FAM120B: variants seen among roughly 807,000 people sequenced by gnomAD.
The protein encoded by FAM120B is family with sequence similarity 120 member B.
In FAM120B, 83 loss-of-function variants were observed where a neutral mutation model predicts 96.3. That is an observed-to-expected ratio of 0.86 (90% confidence interval 0.72 to 1.03). The LOEUF (loss-of-function observed/expected upper bound fraction) is 1.03. Ranked by LOEUF, FAM120B falls within the 50% of genes least tolerant of loss-of-function variation. FAM120B has a pLI of 0.00. For missense variants in FAM120B, 1,027 were observed against 1,121.2 expected, an observed-to-expected ratio of 0.92 and a Z score of 1.20; for synonymous variants, 407 against 402.7, an observed-to-expected ratio of 1.01 and a Z score of -0.13.
intron 1 of FAM120B, among the ~76,000 whole-genome samples, chr6:170,313,049 A>G (rs1784685377): frequency 6.6e-6 from 1 of 152,208 alleles, no homozygotes; most frequent in South Asian, 2.1e-4. Context: ...GAGAGTCTTT[A>G]TCGGTGATTG....
chr6:170,399,970 C>G (rs1320117264), intron 9 of FAM120B, among the ~76,000 whole-genome samples: 5 of 103,972 alleles, frequency 4.8e-5, no homozygotes, highest in Admixed American at 9.6e-5. Context: ...TATGTCATAA[C>G]TCTTAGGAGT....
At chr6:170,388,955 G>C (rs898827485) in intron 7 of FAM120B, among the ~76,000 whole-genome samples, 18 of 152,092 alleles carry the variant, frequency 1.2e-4, no homozygotes, top group African/African-American at 4.3e-4. Context: ...TTACAATAAA[G>C]TAAGTGAGCT....
chr6:170,368,663 G>T (rs1176195950), intron 6 of FAM120B, among the ~76,000 whole-genome samples: 1 of 152,190 alleles, frequency 6.6e-6, no homozygotes, highest in Admixed American at 6.5e-5. Context: ...ATAAAAATTT[G>T]GTGAATGAAT....
chr6:170,296,819 C>G (rs1336890665), intron 1 of FAM120B, among the ~76,000 whole-genome samples: 1 of 152,192 alleles, frequency 6.6e-6, no homozygotes, highest in Non-Finnish European at 1.5e-5. Flanking sequence ...CCCTCCGCCT[C>G]CGCGCGGCGG....
At chr6:170,348,457 T>C in intron 5 of FAM120B, 134 bp downstream of exon 5, 1 of 709,238 alleles carries the variant, frequency 1.4e-6, no homozygotes, top group Admixed American at 3.0e-5. Flanking sequence ...TTATTAGTCC[T>C]TTGAAGTGCT....
chr6:170,377,796 T>C (rs149631868), intron 6 of FAM120B, among the ~76,000 whole-genome samples: 14,961 of 94,324 alleles, frequency 0.16, 2,736 homozygotes, highest in East Asian at 0.76. Flanking sequence ...CCCAGATGCC[T>C]GGGAGAACAC....
intron 4 of FAM120B, among the ~76,000 whole-genome samples, chr6:170,338,529 T>C (rs1048760097): frequency 1.3e-5 from 2 of 152,222 alleles, no homozygotes; most frequent in African/African-American, 4.8e-5. Flanking sequence ...TGGAGAGTTC[T>C]GTAGATGTCT....
At chr6:170,319,449 C>T (rs1785150200) in intron 2 of FAM120B, among the ~76,000 whole-genome samples, 1 of 152,136 alleles carries the variant, frequency 6.6e-6, no homozygotes, top group African/African-American at 2.4e-5. Context: ...AGGTGGGTCA[C>T]CTGAGGTCAG....
chr6:170,390,647 C>T (rs1005990351), intron 7 of FAM120B, among the ~76,000 whole-genome samples: 20 of 151,916 alleles, frequency 1.3e-4, no homozygotes, highest in Middle Eastern at 3.4e-3. Flanking sequence ...AATTAAGAAT[C>T]GAAAGATTAA....
In FAM120B at chr6:170,346,077, T is replaced by C. The variant is rs527823555; in HGVS notation, c.2018-2074T>C. ...ACATAGAAAAGGTAGAGTAAAAATA[T>C]GGTATTGTGATCTTACGGGACCACC... On this transcript the variant is annotated intron_variant, in intron 4 of 10. Coordinates refer to ENST00000476287, the MANE Select transcript of FAM120B (RefSeq NM_032448.3). Among the ~76,000 whole-genome samples the C allele has an allele frequency of 2.0e-5, 3 of 152,326 alleles. No individual in the cohort carries two copies. The South Asian group carries it at 6.2e-4, about 32-fold the overall frequency.
intron 8 of FAM120B, among the ~76,000 whole-genome samples, chr6:170,395,134 A>G (rs996464096): frequency 1.3e-5 from 2 of 152,160 alleles, no homozygotes; most frequent in African/African-American, 4.8e-5. Flanking sequence ...TGCCTCAACC[A>G]GGGCCCTAGA....
intron 6 of FAM120B, among the ~76,000 whole-genome samples, chr6:170,388,081 T>C (rs553627566): frequency 6.6e-6 from 1 of 152,344 alleles, no homozygotes; most frequent in East Asian, 1.9e-4. Flanking sequence ...AGAGGCACCC[T>C]CATTTCTGTC....
At chr6:170,323,044 A>G (rs745895342) in intron 2 of FAM120B, 35 bp from the exon 3 acceptor site, 2 of 1,565,304 alleles carry the variant, frequency 1.3e-6, no homozygotes, top group South Asian at 2.4e-5. Flanking sequence ...TCCTGTTTTT[A>G]AGGAGAAATT....
At chr6:170,345,678 T>G (rs1037530510) in intron 4 of FAM120B, among the ~76,000 whole-genome samples, 1 of 152,244 alleles carries the variant, frequency 6.6e-6, no homozygotes, top group African/African-American at 2.4e-5. Context: ...AATTGATGGA[T>G]CTTGTGTTTC....
At chr6:170,402,508 C>A (rs185021404) in intron 9 of FAM120B, among the ~76,000 whole-genome samples, 1 of 152,322 alleles carries the variant, frequency 6.6e-6, no homozygotes, top group East Asian at 1.9e-4. Context: ...AGGAGCAGTG[C>A]GGGCACGCTG....
At chr6:170,338,449 A>G (rs1393067520) in intron 4 of FAM120B, among the ~76,000 whole-genome samples, 3 of 152,144 alleles carry the variant, frequency 2.0e-5, no homozygotes, top group East Asian at 1.9e-4. Context: ...TTTTACTTCC[A>G]TTTATGTGGT....
chr6:170,354,706 G>A (rs970542062), intron 5 of FAM120B, among the ~76,000 whole-genome samples: 9 of 151,922 alleles, frequency 5.9e-5, no homozygotes, highest in African/African-American at 1.7e-4. Context: ...GGCAGATCAC[G>A]ATGTCAGGAG....
In FAM120B at chr6:170,388,401, A is replaced by G. The variant is rs1284826206; in HGVS notation, c.2398A>G (p.Met800Val). Residue 800 changes from methionine to valine, a missense_variant, in exon 7 of 11, where the codon ATG becomes GTG. Met to Val is a conservative substitution (Grantham distance 21). Transcript: ENST00000476287. Reference protein sequence around the residue: ...CGFPWKTSDFMPWNVFDGKLF... With the variant: ...CGFPWKTSDFVPWNVFDGKLF... The stretch of plus-strand genomic sequence containing the variant: ...CTTCCCCTGGAAGACGAGTGATTTC[A>G]TGCCCTGGAATGTATTTGACGGGAA... 6 of 1,614,034 alleles carry G rather than the reference A, an allele frequency of 3.7e-6. No individual in the cohort carries two copies. The highest frequency in any genetic ancestry group is 1.7e-5 in the Admixed American group (1 of 59,996).
chr6:170,361,323 G>A (rs1171189580), intron 6 of FAM120B, among the ~76,000 whole-genome samples: 2 of 147,364 alleles, frequency 1.4e-5, no homozygotes, highest in Non-Finnish European at 3.0e-5. Flanking sequence ...AAGGTGCATA[G>A]TACATATTTA....
Sources: allele counts gnomAD v4.1 joint callset (sites outside exome capture counted in the v4.1 genomes callset), GRCh38; gene constraint gnomAD v4.1.1; transcripts MANE v1.5; gene names NCBI Gene and HGNC (gene_info 2026-07-23, HGNC 2026-07-21).